PDGFRA: variants seen among roughly 807,000 people sequenced by gnomAD.
PDGFRA encodes platelet-derived growth factor receptor alpha.
Under a neutral mutation model 121.5 loss-of-function variants are expected in PDGFRA, and 25 were observed. The observed-to-expected ratio is 0.21, with a 90% CI of 0.15 to 0.29. PDGFRA has a LOEUF of 0.29. Ranked by LOEUF, PDGFRA falls within the 10% of genes least tolerant of loss-of-function variation. The pLI is 1.00. For synonymous variants in PDGFRA, 463 were observed against 494.8 expected, an observed-to-expected ratio of 0.94 and a Z score of 0.85; for missense variants, 1,008 against 1,345.1, an observed-to-expected ratio of 0.75 and a Z score of 3.92.
rs536177445 is a variant in PDGFRA at position 54,278,597 on chromosome 4, A to G, written c.2156+82A>G. 1.9e-5 allele frequency: 26 copies of G among 1,367,710 alleles called. No homozygotes were observed. In the East Asian group the frequency reaches 5.0e-4, roughly 27 times the overall value. The allele number at this position is 1,367,710 out of a possible 1,614,324, so 84.7% of individuals were successfully genotyped here. On this transcript the variant is annotated intron_variant, in intron 15 of 22. Transcript: ENST00000257290. ...AAAGACCCATGTCCTGATAGATATC[A>G]TGTCTGCAGATTCAGTGCCCAAGGT... is the stretch of plus-strand genomic sequence containing the variant.
intron 9 of PDGFRA, 144 bp downstream of exon 9, chr4:54,272,664 T>C (rs1723471572): frequency 2.3e-6 from 2 of 866,284 alleles, no homozygotes; most frequent in African/African-American, 1.7e-5. Flanking sequence ...TTGTCATGAA[T>C]AGCTGTGAGA....
chr4:54,264,194 C>G, intron 4 of PDGFRA: 1 of 531,836 alleles, frequency 1.9e-6, no homozygotes, highest in South Asian at 3.0e-5. Context: ...TTACATAAGC[C>G]TCTTACTTTC....
At chr4:54,279,666 A>G (rs1723956684) in intron 15 of PDGFRA, among the ~76,000 whole-genome samples, 1 of 152,096 alleles carries the variant, frequency 6.6e-6, no homozygotes, top group South Asian at 2.1e-4. Flanking sequence ...GGAGCAGTAT[A>G]CACTGAACCC....
intron 1 of PDGFRA, among the ~76,000 whole-genome samples, chr4:54,234,318 C>G (rs1436114478): frequency 6.6e-6 from 1 of 152,176 alleles, no homozygotes; most frequent in Non-Finnish European, 1.5e-5. Context: ...AAAGTACAAC[C>G]TAAGGAAGGA....
intron 1 of PDGFRA, chr4:54,229,983 C>G (rs7690503): frequency 0.26 from 38,043 of 147,132 alleles, 5,409 homozygotes; most frequent in African/African-American, 0.36. Flanking sequence ...GGGGGGCGCG[C>G]GAAGGGGTTG....
chr4:54,237,741 A>G (rs1322399787), intron 1 of PDGFRA, among the ~76,000 whole-genome samples: 3 of 152,246 alleles, frequency 2.0e-5, no homozygotes, highest in Non-Finnish European at 2.9e-5. Context: ...ATTTGGGTTC[A>G]CAGCACTGTA....
chr4:54,261,719 G>A (rs1352691461), intron 3 of PDGFRA, among the ~76,000 whole-genome samples: 2 of 151,538 alleles, frequency 1.3e-5, no homozygotes, highest in African/African-American at 4.8e-5. Context: ...CTCACAGTGT[G>A]TCCAGCACTG....
chr4:54,259,760 C>T (rs528312269), intron 2 of PDGFRA, among the ~76,000 whole-genome samples: 3 of 152,282 alleles, frequency 2.0e-5, no homozygotes, highest in South Asian at 4.1e-4. Context: ...CTTACAAATC[C>T]TATCTTAACA....
chr4:54,269,650 T>TG (rs1272896815), intron 7 of PDGFRA, among the ~76,000 whole-genome samples: 1 of 150,278 alleles, frequency 6.7e-6, no homozygotes, highest in African/African-American at 2.5e-5. Flanking sequence ...CTAACTTTTT[T>TG]TTTTTTTTTT....
intron 1 of PDGFRA, among the ~76,000 whole-genome samples, chr4:54,256,440 G>C (rs1722375526): frequency 6.6e-6 from 1 of 151,796 alleles, no homozygotes; most frequent in South Asian, 2.1e-4. Flanking sequence ...GTTTCACCAT[G>C]TTGGCCAGGC....
intron 7 of PDGFRA, among the ~76,000 whole-genome samples, chr4:54,269,153 T>C (rs1488663257): frequency 8.5e-5 from 13 of 152,116 alleles, no homozygotes; most frequent in Admixed American, 8.5e-4. Context: ...AGCATCCTAG[T>C]GTGCCCCAGG....
Position 54,295,473 on chromosome 4 carries a change from C to T in PDGFRA, c.*201C>T. 3 of 585,378 alleles carry T rather than the reference C, an allele frequency of 5.1e-6. No individual in the cohort carries two copies. In the South Asian group the frequency reaches 5.9e-5, roughly 12 times the overall value. 36.3% of individuals were successfully genotyped at this position (585,378 alleles called of 1,614,324 possible). On this transcript the variant is annotated 3_prime_UTR_variant, in exon 23 of 23. Coordinates refer to ENST00000257290, the MANE Select transcript of PDGFRA (RefSeq NM_006206.6). ...TGAACTTTGTCAGTGTTGCCTCTTG[C>T]AATGCCTCAGTAGCATCTCAGTGGT... is the stretch of plus-strand genomic sequence containing the variant.
At chr4:54,278,223 T>TAAAAAAAAAAA (rs5858262) in intron 14 of PDGFRA, 139 bp from the exon 15 acceptor site, 1 of 486,070 alleles carries the variant, frequency 2.1e-6, no homozygotes, top group African/African-American at 2.7e-5. Flanking sequence ...GGCTCTTTAT[T>TAAAAAAAAAAA]AAAAAAAAAA....
intron 16 of PDGFRA, among the ~76,000 whole-genome samples, chr4:54,281,247 C>T (rs1724064636): frequency 6.6e-6 from 1 of 152,118 alleles, no homozygotes. Context: ...TTGGCTTGTC[C>T]TGTGAGCTTG....
chr4:54,237,284 A>G (rs1202647610), intron 1 of PDGFRA, among the ~76,000 whole-genome samples: 1 of 152,086 alleles, frequency 6.6e-6, no homozygotes, highest in Admixed American at 6.5e-5. Flanking sequence ...TGGCCACTTT[A>G]TATGTCAGTA....
At chr4:54,274,754 T>C (rs1003908337) in intron 11 of PDGFRA, 87 bp from the exon 12 acceptor site, 1 of 1,503,128 alleles carries the variant, frequency 6.7e-7, no homozygotes, top group Non-Finnish European at 9.3e-7. Flanking sequence ...TGGACTCTAC[T>C]GTGTCCAGTC....
In PDGFRA at chr4:54,288,802, G is replaced by T. The variant is rs2110344319; in HGVS notation, c.2678G>T (p.Gly893Val). 6.2e-7 allele frequency: 1 copy of T among 1,601,462 alleles called. No homozygotes were observed. Among genetic ancestry groups the T allele is most frequent in the Non-Finnish European group, 8.6e-7 (1 of 1,168,436 alleles). The part of the protein sequence containing the change: ...ILLWEIFSLG[G>V]TPYPGMMVDS... ...TGTTTTATTGTTTGGCTTTTAGGTG[G>T]CACCCCTTACCCCGGCATGATGGTG... Residue 893 changes from glycine to valine, a missense_variant, in exon 20 of 23, where the codon GGC becomes GTC. Transcript: ENST00000257290.
chr4:54,286,026 G>A (rs1724345099), intron 18 of PDGFRA, 63 bp downstream of exon 18: 23 of 1,551,514 alleles, frequency 1.5e-5, no homozygotes, highest in Non-Finnish European at 2.0e-5. Flanking sequence ...CTAAAGTCAG[G>A]TGTTGCTTCT....
At chr4:54,237,978 G>A (rs2110181177) in intron 1 of PDGFRA, among the ~76,000 whole-genome samples, 1 of 152,296 alleles carries the variant, frequency 6.6e-6, no homozygotes, top group South Asian at 2.1e-4. Flanking sequence ...GTGACTTTGG[G>A]TCATTTGCAA....
Sources: allele counts gnomAD v4.1 joint callset (sites outside exome capture counted in the v4.1 genomes callset), GRCh38; gene constraint gnomAD v4.1.1; transcripts MANE v1.5; gene names NCBI Gene and HGNC (gene_info 2026-07-23, HGNC 2026-07-21).